Variants in L3MBTL4 observed in about 807,000 individuals in gnomAD.
L3MBTL4 encodes L3MBTL histone methyl-lysine binding protein 4.
In L3MBTL4, 70 loss-of-function variants were observed where a neutral mutation model predicts 84.5. That is an observed-to-expected ratio of 0.83 (90% CI 0.68 to 1.01). The LOEUF is 1.01. L3MBTL4 is among the 50% of genes least tolerant of loss of function. The probability of loss-of-function intolerance (pLI) is 0.00; values close to 1 mark genes in which losing one functional copy is unlikely to be tolerated. For synonymous variants in L3MBTL4, 274 were observed against 259.8 expected, an observed-to-expected ratio of 1.05 and a Z score of -0.52; for missense variants, 715 against 754.8, an observed-to-expected ratio of 0.95 and a Z score of 0.62.
chr18:5,992,530 C>A (rs1230905277), intron 16 of L3MBTL4, among the ~76,000 whole-genome samples: 1 of 152,084 alleles, frequency 6.6e-6, no homozygotes, highest in Non-Finnish European at 1.5e-5. Flanking sequence ...GGATGCCTGC[C>A]CCCACCCAAA....
chr18:6,081,040 G>T, intron 15 of L3MBTL4, 89 bp from the exon 16 acceptor site: 4 of 928,728 alleles, frequency 4.3e-6, no homozygotes, highest in Non-Finnish European at 6.5e-6. Flanking sequence ...AATAGAAACT[G>T]CAGGGTAAAC....
intron 1 of L3MBTL4, among the ~76,000 whole-genome samples, chr18:6,319,291 AAAC>A (rs146106283): frequency 0.041 from 6,225 of 152,088 alleles, 144 homozygotes; most frequent in East Asian, 0.1. Context: ...AGTGAAATAG[AAAC>A]AACAACAACA....
intron 13 of L3MBTL4, among the ~76,000 whole-genome samples, chr18:6,147,640 T>C (rs1194053850): frequency 6.6e-6 from 1 of 152,208 alleles, no homozygotes; most frequent in Non-Finnish European, 1.5e-5. Context: ...AGAAATGTGG[T>C]AAATTCCTGA....
At chr18:6,303,885 G>A (rs1030417570) in intron 3 of L3MBTL4, among the ~76,000 whole-genome samples, 6 of 151,918 alleles carry the variant, frequency 3.9e-5, no homozygotes, top group Admixed American at 2.0e-4. Flanking sequence ...GTAGTGGCGG[G>A]CACCTGTAAT....
chr18:6,247,928 C>T (rs2846433), intron 5 of L3MBTL4, among the ~76,000 whole-genome samples: 16,406 of 152,006 alleles, frequency 0.11, 3,000 homozygotes, highest in African/African-American at 0.37. Flanking sequence ...ACATGATGTC[C>T]TTCTGTCCCT....
At chr18:6,094,884 G>A (rs752430352) in intron 14 of L3MBTL4, among the ~76,000 whole-genome samples, 2 of 152,100 alleles carry the variant, frequency 1.3e-5, no homozygotes, top group Non-Finnish European at 2.9e-5. Context: ...ATCTATACCT[G>A]TATCAGCAAC....
At chr18:6,127,464 A>G (rs79026122) in intron 14 of L3MBTL4, among the ~76,000 whole-genome samples, 12,136 of 152,264 alleles carry the variant, frequency 0.08, 531 homozygotes, top group South Asian at 0.13. Context: ...AATACGAAAT[A>G]AAACCATAAA....
At chr18:5,969,742 G>C (rs139803585) in intron 16 of L3MBTL4, among the ~76,000 whole-genome samples, 180 bp from the exon 17 acceptor site, 1 of 152,194 alleles carries the variant, frequency 6.6e-6, no homozygotes, top group Non-Finnish European at 1.5e-5. Flanking sequence ...GTCTGTTTTT[G>C]AGCAGTGGTC....
intron 14 of L3MBTL4, among the ~76,000 whole-genome samples, chr18:6,105,870 C>G (rs2058989241): frequency 6.6e-6 from 1 of 151,238 alleles, no homozygotes; most frequent in Non-Finnish European, 1.5e-5. Context: ...ATTTTCATTT[C>G]TATTAAATTT....
intron 16 of L3MBTL4, chr18:6,030,002 A>G (rs2145591554): frequency 1.0e-6 from 1 of 985,494 alleles, no homozygotes; most frequent in Non-Finnish European, 1.2e-6. Context: ...AACCATCCAG[A>G]TGGCCATGGG....
At chr18:6,149,964 T>C (rs1375318836) in intron 13 of L3MBTL4, among the ~76,000 whole-genome samples, 5 of 152,188 alleles carry the variant, frequency 3.3e-5, no homozygotes, top group African/African-American at 1.2e-4. Flanking sequence ...TCCTAAGTCC[T>C]AGGATTGTAC....
chr18:6,017,655 A>G (rs1176897398), intron 16 of L3MBTL4: 5 of 152,188 alleles, frequency 3.3e-5, no homozygotes, highest in Non-Finnish European at 7.3e-5. Context: ...CACCAGTGGG[A>G]TGAGTGAAGC....
chr18:6,142,052 T>A (rs1288010837), intron 13 of L3MBTL4, among the ~76,000 whole-genome samples: 1 of 152,224 alleles, frequency 6.6e-6, no homozygotes, highest in Non-Finnish European at 1.5e-5. Flanking sequence ...CTTGGATAAC[T>A]TCTTATTATC....
chr18:6,370,211 G>C (rs2054103699), intron 1 of L3MBTL4, among the ~76,000 whole-genome samples: 1 of 151,812 alleles, frequency 6.6e-6, no homozygotes, highest in African/African-American at 2.4e-5. Flanking sequence ...GCATAGGTGA[G>C]ATTTTTATCC....
intron 1 of L3MBTL4, among the ~76,000 whole-genome samples, chr18:6,380,344 C>A (rs1283986790): frequency 6.6e-6 from 1 of 152,096 alleles, no homozygotes; most frequent in Non-Finnish European, 1.5e-5. Context: ...TTCATTATTT[C>A]TTGTCTTCTG....
intron 1 of L3MBTL4, among the ~76,000 whole-genome samples, chr18:6,384,741 G>C (rs747971111): frequency 6.6e-6 from 1 of 152,190 alleles, no homozygotes; most frequent in African/African-American, 2.4e-5. Flanking sequence ...GTTAATAAAA[G>C]GATGACTTCT....
At chr18:6,088,716 A>C (rs1334916476) in intron 15 of L3MBTL4, among the ~76,000 whole-genome samples, 2 of 152,220 alleles carry the variant, frequency 1.3e-5, no homozygotes, top group Admixed American at 1.3e-4. Flanking sequence ...TGGGACAACC[A>C]ACTAACATTG....
intron 12 of L3MBTL4, among the ~76,000 whole-genome samples, chr18:6,182,182 A>G (rs2044504488): frequency 6.6e-6 from 1 of 152,182 alleles, no homozygotes. Flanking sequence ...ACTTTTTAAT[A>G]ATAGCCATTC....
chr18:6,402,571 A>G (rs1444506831), intron 1 of L3MBTL4, among the ~76,000 whole-genome samples: 2 of 152,178 alleles, frequency 1.3e-5, no homozygotes, highest in Non-Finnish European at 2.9e-5. Flanking sequence ...ACTTTAAGCT[A>G]AAAACAAAAA....
Sources: gnomAD v4.1 joint callset for allele counts (sites outside exome capture counted in the v4.1 genomes callset) on GRCh38, gnomAD v4.1.1 for gene constraint, MANE v1.5 for transcripts, NCBI Gene and HGNC (gene_info 2026-07-23, HGNC 2026-07-21) for gene names.